The following IL16 variants were observed in gnomAD, a reference collection of about 807,000 sequenced individuals.
IL16 encodes interleukin 16.
IL16 carries 67 observed loss-of-function variants against 110.1 expected under a neutral mutation model. That is an observed-to-expected ratio of 0.61 (90% CI 0.50 to 0.75). The LOEUF (loss-of-function observed/expected upper bound fraction) is 0.75, where lower values mean the gene tolerates loss of function less well. Among genes scored for constraint, IL16 ranks in the 30% least tolerant of loss-of-function variants. The pLI, the probability that IL16 is intolerant of heterozygous loss-of-function variation, is 0.00. For missense variants in IL16, 1,545 were observed against 1,655.0 expected (o/e 0.93, Z 1.15); for synonymous variants, 689 against 662.9 (o/e 1.04, Z -0.61).
At chr15:81,188,410 G>T in intron 1 of IL16, 1 of 456,296 alleles carries the variant, frequency 2.2e-6, no homozygotes, top group Non-Finnish European at 4.4e-6. Flanking sequence ...GCTGGTACGT[G>T]TTGAACGTCC....
intron 1 of IL16, among the ~76,000 whole-genome samples, 152 bp from the exon 2 acceptor site, chr15:81,225,147 C>G (rs1214155943): frequency 1.3e-5 from 2 of 152,194 alleles, no homozygotes; most frequent in Admixed American, 6.5e-5. Context: ...TTGGCTGGCA[C>G]ACTGGAAGGG....
intron 4 of IL16, among the ~76,000 whole-genome samples, chr15:81,266,221 C>G (rs1370782902): frequency 6.6e-6 from 1 of 152,234 alleles, no homozygotes; most frequent in Non-Finnish European, 1.5e-5. Context: ...ACAGCTGGGA[C>G]TTCAAGTCTG....
intron 1 of IL16, among the ~76,000 whole-genome samples, chr15:81,204,761 AG>A (rs145397876): frequency 0.13 from 17,583 of 134,896 alleles, 2,238 homozygotes; most frequent in African/African-American, 0.39. Flanking sequence ...AAAAAAAAAA[AG>A]AAAAAAAAGA....
intron 2 of IL16, among the ~76,000 whole-genome samples, chr15:81,241,002 A>AT (rs1897320050): frequency 1.3e-5 from 2 of 151,854 alleles, no homozygotes; most frequent in Admixed American, 6.6e-5. Flanking sequence ...GGGGTACATT[A>AT]TTTTTTTTCC....
At chr15:81,267,885 C>T (rs1898461691) in intron 4 of IL16, among the ~76,000 whole-genome samples, 1 of 152,208 alleles carries the variant, frequency 6.6e-6, no homozygotes, top group African/African-American at 2.4e-5. Context: ...TGTGCTTTGG[C>T]TACAGATTTC....
At chr15:81,302,634 T>C (rs1220656869) in intron 15 of IL16, among the ~76,000 whole-genome samples, 1 of 152,210 alleles carries the variant, frequency 6.6e-6, no homozygotes, top group Non-Finnish European at 1.5e-5. Context: ...AAGTGAATTC[T>C]TTGACATAAG....
At chr15:81,220,796 GAAA>G (rs3086670) in intron 1 of IL16, among the ~76,000 whole-genome samples, 1 of 128,852 alleles carries the variant, frequency 7.8e-6, no homozygotes, top group Non-Finnish European at 1.7e-5. Flanking sequence ...CTTGTTGAAT[GAAA>G]AAAAAAAAAA....
rs571229886 is a variant in IL16 at position 81,276,792 on chromosome 15, G to A, written c.791-2025G>A. 5.3e-5 allele frequency among the ~76,000 whole-genome samples: 8 copies of A among 152,324 alleles called. No homozygotes were observed. In the South Asian group the frequency reaches 8.3e-4, roughly 16 times the overall value. Reference sequence around the variant, plus strand: ...GGAAAAACTGGCAGTGACCTGGGGTGTATGGGAATCCCATAGAAAAACAGA... The same window carrying A: ...GGAAAAACTGGCAGTGACCTGGGGTATATGGGAATCCCATAGAAAAACAGA... On this transcript the variant is annotated intron_variant, in intron 6 of 18. Coordinates refer to ENST00000683961, the MANE Select transcript of IL16 (RefSeq NM_172217.5).
Position 81,231,372 on chromosome 15 carries a change from CTCTCT to C in IL16, c.312+5662_312+5666del, listed in dbSNP as rs1567008773. Among the ~76,000 whole-genome samples, 27 of 147,240 alleles carry C rather than the reference CTCTCT, an allele frequency of 1.8e-4. 1 individual carries two copies. The highest frequency in any genetic ancestry group is 6.6e-4 in the African/African-American group (26 of 39,126). ...TCTCTCTCTCTCTCTCTCTCTCTCT[CTCTCT>C]CTCTCCCTCTCTTAAGACAGGGTCT... On this transcript the variant is annotated intron_variant, in intron 2 of 18. Coordinates refer to ENST00000683961, the MANE Select transcript of IL16 (RefSeq NM_172217.5).
chr15:81,303,527 AATGT>A lies in IL16; in HGVS notation c.3319-15_3319-12del. 2.0e-6 allele frequency: 3 copies of A among 1,475,736 alleles called. No individual in the cohort carries two copies. The highest frequency in any genetic ancestry group is 2.8e-6 in the Non-Finnish European group (3 of 1,054,004). 91.4% of individuals were successfully genotyped at this position (1,475,736 alleles called of 1,614,324 possible). ...ATCCTCTTGCAGTAAAATGTTTTTG[AATGT>A]ATGTATTTCCTCTGCAGCAATTAGA... On this transcript the variant is annotated intron_variant, in intron 15 of 18. Coordinates refer to ENST00000683961, the MANE Select transcript of IL16 (RefSeq NM_172217.5). The surrounding 1 kb of genome is among the most constrained non-coding windows in gnomAD (Gnocchi z 4.1).
intron 2 of IL16, among the ~76,000 whole-genome samples, chr15:81,229,609 C>T (rs113860224): frequency 0.083 from 12,572 of 152,098 alleles, 530 homozygotes; most frequent in Middle Eastern, 0.1. Context: ...GTTTCAGTTG[C>T]CTAAGCAAGT....
intron 9 of IL16, 95 bp from the exon 10 acceptor site, chr15:81,285,603 C>G: frequency 7.4e-7 from 1 of 1,359,078 alleles, no homozygotes; most frequent in Non-Finnish European, 1.0e-6. Flanking sequence ...TATATCTCAT[C>G]AAACAGCCCA....
chr15:81,193,124 C>A (rs1273172588), upstream of IL16, among the ~76,000 whole-genome samples: 1 of 152,144 alleles, frequency 6.6e-6, no homozygotes, highest in African/African-American at 2.4e-5. Context: ...GACAGACCTG[C>A]GAGATGAACC....
At chr15:81,285,602 T>A (rs2142325065) in intron 9 of IL16, 96 bp from the exon 10 acceptor site, 1 of 1,352,688 alleles carries the variant, frequency 7.4e-7, no homozygotes, top group East Asian at 2.4e-5. Context: ...TTATATCTCA[T>A]CAAACAGCCC....
At chr15:81,207,777 A>G (rs1457987555) in intron 1 of IL16, among the ~76,000 whole-genome samples, 1 of 151,270 alleles carries the variant, frequency 6.6e-6, no homozygotes, top group Non-Finnish European at 1.5e-5. Flanking sequence ...GTTAATAGGT[A>G]TCTAGGTTGA....
At chr15:81,201,814 G>A (rs9672697) in intron 1 of IL16, among the ~76,000 whole-genome samples, 62,845 of 151,978 alleles carry the variant, frequency 0.41, 16,891 homozygotes, top group African/African-American at 0.73. Flanking sequence ...TCTAGCATCA[G>A]ACACACACAC....
At chr15:81,266,713 A>T (rs1898398617) in intron 4 of IL16, among the ~76,000 whole-genome samples, 1 of 152,142 alleles carries the variant, frequency 6.6e-6, no homozygotes, top group South Asian at 2.1e-4. Flanking sequence ...AAAGCTCCTG[A>T]TCTCTCCAAA....
intron 12 of IL16, among the ~76,000 whole-genome samples, chr15:81,293,326 A>C (rs1465420175): frequency 3.3e-5 from 5 of 152,236 alleles, no homozygotes. Flanking sequence ...CCATGAAGGA[A>C]AAATACCAGG....
rs1346960539 is a variant in IL16, at chr15:81,189,119, AATT to A, written c.40+6224_40+6226del. The stretch of plus-strand genomic sequence containing the variant: ...TAGGCACATGCCACCATGCCAAGAT[AATT>A]TTTTTTTTTTTTTTTTTTTGAGACG... On this transcript the variant is annotated intron_variant, in intron 1 of 18. Transcript: ENST00000302987. 7.2e-4 allele frequency among the ~76,000 whole-genome samples: 100 copies of A among 138,932 alleles called. No homozygotes were observed. The Middle Eastern group carries it at 0.014, about 19-fold the overall frequency. 91.1% of individuals were successfully genotyped at this position (138,932 alleles called of 152,430 possible). A position where few individuals can be genotyped will look rare whatever the true frequency, so the allele number is the denominator to read the frequency against.
Sources: gnomAD v4.1 joint callset for allele counts (sites outside exome capture counted in the v4.1 genomes callset) on GRCh38, gnomAD v4.1.1 for gene constraint, Gnocchi (gnomAD v3.1) non-coding constraint, MANE v1.5 for transcripts, NCBI Gene and HGNC (gene_info 2026-07-23, HGNC 2026-07-21) for gene names.